Variants in KRT28 observed in about 807,000 individuals in gnomAD.
KRT28 encodes keratin 28.
KRT28 carries 45 observed loss-of-function variants against 48.1 expected under a neutral mutation model. The ratio of observed to expected loss-of-function variants is 0.94; its 90% confidence interval spans 0.74 to 1.20. The LOEUF is 1.20. Ranked by LOEUF, KRT28 falls within the 50% of genes most tolerant of loss-of-function variation. The pLI is 0.00. For synonymous variants in KRT28, 228 were observed against 227.4 expected (o/e 1.00, Z -0.03); for missense variants, 571 against 574.1 (o/e 0.99, Z 0.06).
At position 40,798,295 on chromosome 17, in the gene KRT28, C is replaced by G; in HGVS notation, c.630G>C (p.Gln210His). The G allele has an allele frequency of 6.2e-7, 1 of 1,613,410 alleles. No individual in the cohort carries two copies. The highest frequency in any genetic ancestry group is 1.3e-5 in the African/African-American group (1 of 75,048). ...LDELTLCRTD[Q>H]ELQYESLSEE... is the part of the protein sequence containing the mutation. ...CACTCAGAGACTCATATTGCAGCTC[C>G]TGGTCGGTCCTGCAGAGCGTCAGCT... is the stretch of plus-strand genomic sequence containing the variant. Residue 210 changes from glutamine (Q) to histidine (H), a missense_variant, in exon 3 of 8, where the codon CAG becomes CAC. Coordinates refer to ENST00000306658, the MANE Select transcript of KRT28 (RefSeq NM_181535.3).
intron 3 of KRT28, among the ~76,000 whole-genome samples, chr17:40,797,700 G>A (rs1904648984): frequency 6.6e-6 from 1 of 152,108 alleles, no homozygotes; most frequent in Non-Finnish European, 1.5e-5. Context: ...AGTGAGCTGA[G>A]ATTGCGCCAC....
At chr17:40,799,094 T>C in intron 1 of KRT28, 95 bp from the exon 2 acceptor site, 1 of 790,254 alleles carries the variant, frequency 1.3e-6, no homozygotes, top group Non-Finnish European at 2.0e-6. Flanking sequence ...AGTTTTTGCA[T>C]AAAAATTTCA....
At chr17:40,798,474 GA>G in intron 2 of KRT28, 83 bp from the exon 3 acceptor site, 1 of 1,422,962 alleles carries the variant, frequency 7.0e-7, no homozygotes, top group Non-Finnish European at 9.5e-7. Flanking sequence ...GCTTTAAACT[GA>G]AAATTAGAAA....
At chr17:40,798,803 C>T in intron 2 of KRT28, 114 bp downstream of exon 2, 1 of 692,194 alleles carries the variant, frequency 1.4e-6, no homozygotes, top group South Asian at 1.9e-5. Context: ...TCCTTTGCTT[C>T]CTTTTATCTT....
chr17:40,794,101 G>A (rs1904556225), intron 5 of KRT28, 55 bp from the exon 6 acceptor site: 7 of 1,590,002 alleles, frequency 4.4e-6, no homozygotes, highest in Non-Finnish European at 6.0e-6. Context: ...AGGACTAGTA[G>A]AACATTGTTT....
intron 5 of KRT28, among the ~76,000 whole-genome samples, 172 bp from the exon 6 acceptor site, chr17:40,794,218 G>A (rs565089115): frequency 6.6e-6 from 1 of 152,316 alleles, no homozygotes; most frequent in African/African-American, 2.4e-5. Context: ...TGAGGGCCAG[G>A]CATGATGGAC....
At chr17:40,799,392 G>A in intron 1 of KRT28, 52 bp downstream of exon 1, 1 of 1,330,288 alleles carries the variant, frequency 7.5e-7, no homozygotes, top group South Asian at 1.4e-5. Flanking sequence ...CTTTTGTTAG[G>A]TATTTCTTAG....
chr17:40,794,095 C>T (rs749708634), intron 5 of KRT28, 49 bp from the exon 6 acceptor site: 1 of 1,597,292 alleles, frequency 6.3e-7, no homozygotes, highest in Non-Finnish European at 8.6e-7. Flanking sequence ...ACTCTGAGGA[C>T]TAGTAGAACA....
chr17:40,796,790 C>G (rs1904621345), intron 5 of KRT28, 126 bp downstream of exon 5: 1 of 1,286,040 alleles, frequency 7.8e-7, no homozygotes, highest in African/African-American at 1.5e-5. Context: ...CTGCTCTCCT[C>G]CACTCTCTCT....
rs901463710 is a variant in KRT28 at position 40,797,295 on chromosome 17, A to G, written c.691-14T>C. The G allele has an allele frequency of 1.9e-6, 3 of 1,609,936 alleles. No individual in the cohort carries two copies. In the African/African-American group the frequency reaches 4.0e-5, roughly 22 times the overall value. Reference sequence around the variant, plus strand: ...AGCCTTCATCTCCTGGAGAGAAGCAAGAGTGTGGCTTTAGGGGCATTGCAG... The same window carrying G: ...AGCCTTCATCTCCTGGAGAGAAGCAGGAGTGTGGCTTTAGGGGCATTGCAG... On this transcript the variant is annotated splice_polypyrimidine_tract_variant and intron_variant, in intron 3 of 7. Coordinates refer to ENST00000306658, the MANE Select transcript of KRT28 (RefSeq NM_181535.3).
Position 40,799,835 on chromosome 17 carries a change from G to C in KRT28, c.59C>G (p.Ser20Cys). Residue 20 changes from serine (S) to cysteine (C), a missense_variant, in exon 1 of 8, where the codon TCT becomes TGT. Ser to Cys is a moderately radical substitution (Grantham distance 112, BLOSUM62 -1). Coordinates refer to ENST00000306658, the MANE Select transcript of KRT28 (RefSeq NM_181535.3). ...TGCACCTCCATTGAGGGGTCTGACA[G>C]ATCCAGCTCCAGACCTTAAGCAAAC... ...RHVCLRSGAG[S>C]VRPLNGGAGF... is the part of the protein sequence containing the mutation. The C allele has an allele frequency of 6.2e-7, 1 of 1,614,002 alleles. No individual in the cohort carries two copies. The highest frequency in any genetic ancestry group is 8.5e-7 in the Non-Finnish European group (1 of 1,179,986).
chr17:40,793,245 C>T, intron 6 of KRT28, 35 bp from the exon 7 acceptor site: 1 of 1,327,848 alleles, frequency 7.5e-7, no homozygotes, highest in Non-Finnish European at 1.0e-6. Flanking sequence ...TTTTATATTT[C>T]TGCTTACTAT....
At position 40,798,407 on chromosome 17, in the gene KRT28, A is replaced by G. The variant is rs1413851858; in HGVS notation, c.534-16T>C. On this transcript the variant is annotated splice_polypyrimidine_tract_variant and intron_variant, in intron 2 of 7. Transcript: ENST00000306658. ...ATTTTCATACCTTGGGGGGCATTTAAGTGAATTTCAGTGCCAGTAAGACTA... is the reference window on the plus strand; with the variant it reads ...ATTTTCATACCTTGGGGGGCATTTAGGTGAATTTCAGTGCCAGTAAGACTA... The G allele has an allele frequency of 6.3e-7, 1 of 1,587,372 alleles. No homozygotes were observed. The highest frequency in any genetic ancestry group is 1.3e-5 in the African/African-American group (1 of 74,504).
In KRT28 at chr17:40,799,585, A is replaced by G. The variant is rs776209273; in HGVS notation, c.309T>C (p.Asn103=). The part of the protein sequence containing the change: ...LNDRLASYLD[N]VRALEEANAE... Reference sequence around the variant, plus strand: ...CATTTGCCTCCTCCAGAGCTCGCACATTATCCAGGTAGGATGCCAAGCGGT... The same window carrying G: ...CATTTGCCTCCTCCAGAGCTCGCACGTTATCCAGGTAGGATGCCAAGCGGT... Residue 103 remains asparagine (N), a synonymous_variant, in exon 1 of 8, where the codon AAT becomes AAC. Transcript: ENST00000306658. 6.2e-7 allele frequency: 1 copy of G among 1,614,152 alleles called. No individual in the cohort carries two copies. The highest frequency in any genetic ancestry group is 8.5e-7 in the Non-Finnish European group (1 of 1,180,016).
rs1904639524 is a variant in KRT28, at chr17:40,797,291, A to G, written c.691-10T>C. 1 of 1,610,586 alleles carries G rather than the reference A, an allele frequency of 6.2e-7. No individual in the cohort carries two copies. Among genetic ancestry groups the G allele is most frequent in the Non-Finnish European group, 8.5e-7 (1 of 1,178,084 alleles). On this transcript the variant is annotated splice_polypyrimidine_tract_variant and intron_variant, in intron 3 of 7. Transcript: ENST00000306658. ...GCAGAGCCTTCATCTCCTGGAGAGA[A>G]GCAAGAGTGTGGCTTTAGGGGCATT...
intron 6 of KRT28, 106 bp downstream of exon 6, chr17:40,793,723 A>T: frequency 9.6e-7 from 1 of 1,038,122 alleles, no homozygotes. Flanking sequence ...GCTTTTCTGC[A>T]GTGGGAATGA....
At position 40,793,199 on chromosome 17, in the gene KRT28, T is replaced by G; in HGVS notation, c.1208A>C (p.Lys403Thr). The G allele has an allele frequency of 6.4e-7, 1 of 1,562,124 alleles. No individual in the cohort carries two copies. The change falls in exon 7 of 8, where the codon AAA becomes ACA. Residue 403 changes from lysine (K) to threonine (T), a missense_variant. By Grantham distance (78) the Lys-to-Thr change is moderately conservative (BLOSUM62 -1). Coordinates refer to ENST00000306658, the MANE Select transcript of KRT28 (RefSeq NM_181535.3). ...GCTTCCTGATCCAAAGCCCTTTGAT[T>G]TGGAGCATGAACTGTAAAAGAAATA... ...LIDGDGNSCSKSKGFGSGSPG... is the reference protein window; with the variant it reads ...LIDGDGNSCSTSKGFGSGSPG...
chr17:40,797,293 C>G lies in KRT28; in HGVS notation c.691-12G>C. The G allele has an allele frequency of 6.2e-7, 1 of 1,609,814 alleles. No homozygotes were observed. Among genetic ancestry groups the G allele is most frequent in the Non-Finnish European group, 8.5e-7 (1 of 1,177,624 alleles). ...AGAGCCTTCATCTCCTGGAGAGAAG[C>G]AAGAGTGTGGCTTTAGGGGCATTGC... On this transcript the variant is annotated splice_polypyrimidine_tract_variant and intron_variant, in intron 3 of 7. Coordinates refer to ENST00000306658, the MANE Select transcript of KRT28 (RefSeq NM_181535.3).
At position 40,799,013 on chromosome 17, in the gene KRT28, A is replaced by G. The variant is rs749765011; in HGVS notation, c.451-14T>C. On this transcript the variant is annotated splice_polypyrimidine_tract_variant and intron_variant, in intron 1 of 7. Coordinates refer to ENST00000306658, the MANE Select transcript of KRT28 (RefSeq NM_181535.3). ...GGAGGAGATAATCTAGAATAAACCAAAACAGAGAACACAACAAGTAAGTAT... is the reference window on the plus strand; with the variant it reads ...GGAGGAGATAATCTAGAATAAACCAGAACAGAGAACACAACAAGTAAGTAT... 2.1e-6 allele frequency: 3 copies of G among 1,445,086 alleles called. No homozygotes were observed. The allele number at this position is 1,445,086 out of a possible 1,614,324, so 89.5% of individuals were successfully genotyped here.
Sources: allele counts gnomAD v4.1 joint callset (sites outside exome capture counted in the v4.1 genomes callset), GRCh38; gene constraint gnomAD v4.1.1; transcripts MANE v1.5; gene names NCBI Gene and HGNC (gene_info 2026-07-23, HGNC 2026-07-21).